POLE: variants seen among roughly 807,000 people sequenced by gnomAD.
POLE encodes the protein DNA polymerase epsilon, catalytic subunit.
Under a neutral mutation model 279.2 loss-of-function variants are expected in POLE, and 188 were observed. That is an observed-to-expected ratio of 0.67 (90% CI 0.60 to 0.76). POLE has a LOEUF of 0.76. Among genes scored for constraint, POLE ranks in the 30% least tolerant of loss-of-function variants. The pLI is 0.00. For missense variants in POLE, 2,703 were observed against 3,016.7 expected (o/e 0.90, Z 2.44); for synonymous variants, 1,214 against 1,172.5 (o/e 1.04, Z -0.72).
rs780132291 is a variant in POLE, at chr12:132,642,620, A to G, written c.4838T>C (p.Val1613Ala). The G allele has an allele frequency of 2.5e-6, 4 of 1,613,528 alleles. No individual in the cohort carries two copies. The highest frequency in any genetic ancestry group is 3.4e-6 in the Non-Finnish European group (4 of 1,180,032). The change falls in exon 37 of 49, where the codon GTG becomes GCG. Residue 1613 changes from valine (V) to alanine (A), a missense_variant. Around this residue, in one of 5 missense-constraint regions of POLE, gnomAD observed 1,551 missense variants for 1,686.1 expected, o/e 0.92. Coordinates refer to ENST00000320574, the MANE Select transcript of POLE (RefSeq NM_006231.4). ...LEEFPLVPIC[V>A]ADKINYGVLD... The stretch of plus-strand genomic sequence containing the variant: ...GACCCCATAGTTGATCTTGTCAGCC[A>G]CACAGATAGGCACCAGTGGGAATTC...
intron 6 of POLE, among the ~76,000 whole-genome samples, chr12:132,679,292 GAA>G (rs1259586170): frequency 6.6e-6 from 1 of 152,118 alleles, no homozygotes; most frequent in African/African-American, 2.4e-5. Flanking sequence ...CCCTCCATTG[GAA>G]AAGAGAGCTA....
Position 132,661,308 on chromosome 12 carries a change from GC to G in POLE, c.2865-145del. On this transcript the variant is annotated intron_variant, in intron 24 of 48. Transcript: ENST00000320574. The surrounding 1 kb of genome is among the most constrained non-coding windows in gnomAD (Gnocchi z 4.1). ...GGCAGCAAACGTCTCTCTCCCTTAG[GC>G]CACTGCTTCTCTAAAAGGAAAATGG... 2 of 961,160 alleles carry G rather than the reference GC, an allele frequency of 2.1e-6. No individual in the cohort carries two copies. Among genetic ancestry groups the G allele is most frequent in the Non-Finnish European group, 3.1e-6 (2 of 645,228 alleles). 59.5% of individuals were successfully genotyped at this position (961,160 alleles called of 1,614,324 possible). A position where few individuals can be genotyped will look rare whatever the true frequency, so the allele number is the denominator to read the frequency against.
At chr12:132,659,162 T>C in intron 26 of POLE, 133 bp downstream of exon 26, 1 of 896,318 alleles carries the variant, frequency 1.1e-6, no homozygotes, top group Non-Finnish European at 1.7e-6. Context: ...AAGGAACCCC[T>C]TACCTCTCCG....
Position 132,649,048 on chromosome 12 carries a change from G to C in POLE, c.4030C>G (p.Leu1344Val), listed in dbSNP as rs2042353835. The C allele has an allele frequency of 6.2e-7, 1 of 1,613,000 alleles. No individual in the cohort carries two copies. Among genetic ancestry groups the C allele is most frequent in the South Asian group, 1.1e-5 (1 of 91,054 alleles). The change falls in exon 32 of 49, where the codon CTG becomes GTG. Residue 1344 changes from leucine (L) to valine (V), a missense_variant. Physicochemically the swap from Leu to Val is conservative, Grantham distance 32. This residue lies in a region of POLE where 1,551 missense variants were observed against 1,686.1 expected (regional missense o/e 0.92). Transcript: ENST00000320574. ...CCAACGAGCGCCCACAGCCTGAACAGGCCGGCCTGGCTGGTCTCGCTGATC... is the reference window on the plus strand; with the variant it reads ...CCAACGAGCGCCCACAGCCTGAACACGCCGGCCTGGCTGGTCTCGCTGATC... ...VQISETSQAG[L>V]FRLWALVGSD...
rs1428808761 is a variant in POLE, at chr12:132,657,871, T to C, written c.3375A>G (p.Arg1125=). The change falls in exon 27 of 49, where the codon CGA becomes CGG. Residue 1125 remains arginine, a synonymous_variant. Transcript: ENST00000320574. ...AGAGAACGCAACTGGCACTCACTGC[T>C]CGAATATCAAAGTCTTGAAGGGAAG... is the stretch of plus-strand genomic sequence containing the variant. ...KSSSLQDFDI[R]AILDWDYYIE... is the part of the protein sequence containing the mutation. The C allele has an allele frequency of 5.0e-6, 8 of 1,607,682 alleles. No homozygotes were observed. Among genetic ancestry groups the C allele is most frequent in the African/African-American group, 1.3e-5 (1 of 74,806 alleles).
rs1488203411 is a variant in POLE, at chr12:132,624,662, G to A, written c.*35C>T. The A allele has an allele frequency of 8.3e-7, 1 of 1,212,008 alleles. No homozygotes were observed. Among genetic ancestry groups the A allele is most frequent in the Non-Finnish European group, 1.2e-6 (1 of 814,294 alleles). 75.1% of individuals were successfully genotyped at this position (1,212,008 alleles called of 1,614,324 possible). A position where few individuals can be genotyped will look rare whatever the true frequency, so the allele number is the denominator to read the frequency against. On this transcript the variant is annotated 3_prime_UTR_variant, in exon 49 of 49. Coordinates refer to ENST00000320574, the MANE Select transcript of POLE (RefSeq NM_006231.4). ...TGTGGCCTTGGCATCAGGAGGCCTGGCACGGACGCAGAGGCACCCGGGGCC... is the reference window on the plus strand; with the variant it reads ...TGTGGCCTTGGCATCAGGAGGCCTGACACGGACGCAGAGGCACCCGGGGCC...
rs551187989 is a variant in POLE, at chr12:132,643,028, C to G, written c.4552-32G>C. ...CAACGCAGGCCACGTCAGCCTCCCC[C>G]TGCGCAGGAGGAAGTGGGGGCAGCC... is the stretch of plus-strand genomic sequence containing the variant. On this transcript the variant is annotated intron_variant, in intron 35 of 48. Transcript: ENST00000320574. 6 of 1,562,152 alleles carry G rather than the reference C, an allele frequency of 3.8e-6. No individual in the cohort carries two copies. In the African/African-American group the frequency reaches 4.1e-5, roughly 11 times the overall value.
At position 132,649,695 on chromosome 12, in the gene POLE, G is replaced by A. The variant is rs770904877; in HGVS notation, c.3777C>T (p.Pro1259=). 25 of 1,613,922 alleles carry A rather than the reference G, an allele frequency of 1.5e-5. No individual in the cohort carries two copies. The highest frequency in any genetic ancestry group is 6.7e-5 in the Admixed American group (4 of 60,010). Residue 1259 remains proline, a synonymous_variant, in exon 30 of 49, where the codon CCC becomes CCT. Transcript: ENST00000320574. ...VPWQEILGQP[P]ALGTSQEEWL... is the part of the protein sequence containing the mutation. ...GCCTTACCTGGCTGGTTCCCAGGGC[G>A]GGAGGCTGCCCCAAGATTTCCTGCC... is the stretch of plus-strand genomic sequence containing the variant.
At position 132,634,480 on chromosome 12, in the gene POLE, C is replaced by T; in HGVS notation, c.5812-102G>A. Reference sequence around the variant, plus strand: ...TCCTCCAACCTGGGTCCATCTGCCCCGTTTGACCAGAGGCCTTCCTCGCAG... The same window carrying T: ...TCCTCCAACCTGGGTCCATCTGCCCTGTTTGACCAGAGGCCTTCCTCGCAG... On this transcript the variant is annotated intron_variant, in intron 42 of 48. Coordinates refer to ENST00000320574, the MANE Select transcript of POLE (RefSeq NM_006231.4). The surrounding 1 kb of genome is among the most constrained non-coding windows in gnomAD (Gnocchi z 4.0). 6 of 1,163,482 alleles carry T rather than the reference C, an allele frequency of 5.2e-6. No individual in the cohort carries two copies. Among genetic ancestry groups the T allele is most frequent in the South Asian group, 1.4e-5 (1 of 69,506 alleles). The allele number at this position is 1,163,482 out of a possible 1,614,324, so 72.1% of individuals were successfully genotyped here.
Position 132,675,385 on chromosome 12 carries a change from C to T in POLE, c.1226+13G>A, listed in dbSNP as rs577646338. On this transcript the variant is annotated intron_variant, in intron 12 of 48. Coordinates refer to ENST00000320574, the MANE Select transcript of POLE (RefSeq NM_006231.4). This position sits in a 1 kb window ranked among gnomAD's most constrained non-coding sequence, Gnocchi z 4.3. ...GACAGCAGTGAGGAGCCATGCTGCT[C>T]TGTGGCCCCTACCTGAGGCAGTCCA... The T allele has an allele frequency of 9.8e-5, 158 of 1,613,516 alleles. No homozygotes were observed. The highest frequency in any genetic ancestry group is 9.3e-4 in the South Asian group (85 of 90,978).
intron 31 of POLE, 109 bp downstream of exon 31, chr12:132,649,197 C>G: frequency 6.7e-7 from 1 of 1,494,168 alleles, no homozygotes; most frequent in Non-Finnish European, 9.1e-7. Flanking sequence ...GGGCAGGAAA[C>G]TCCAGGCCCA....
At position 132,677,574 on chromosome 12, in the gene POLE, T is replaced by G. The variant is rs990057702; in HGVS notation, c.720+4A>C. ...GAGCAGCGACCCAACCCTGCCCCAC[T>G]CACCACGTGGATCTTCAGGTCAATG... On this transcript the variant is annotated splice_donor_region_variant and intron_variant, in intron 7 of 48. Transcript: ENST00000320574. The G allele has an allele frequency of 6.2e-7, 1 of 1,614,140 alleles. No individual in the cohort carries two copies. Among genetic ancestry groups the G allele is most frequent in the Non-Finnish European group, 8.5e-7 (1 of 1,180,012 alleles).
intron 26 of POLE, chr12:132,658,286 G>T (rs1371528673): frequency 3.5e-6 from 1 of 283,820 alleles, no homozygotes; most frequent in Non-Finnish European, 6.8e-6. Flanking sequence ...GAGTAACCAC[G>T]TGCATGCGTA....
chr12:132,624,680 C>T lies in POLE; in HGVS notation c.*17G>A, dbSNP rs2041792727. On this transcript the variant is annotated 3_prime_UTR_variant, in exon 49 of 49. Transcript: ENST00000320574. ...AGGCCTGGCACGGACGCAGAGGCACCCGGGGCCCGGGGCTGGCTAATGGCC... is the reference window on the plus strand; with the variant it reads ...AGGCCTGGCACGGACGCAGAGGCACTCGGGGCCCGGGGCTGGCTAATGGCC... 1.3e-6 allele frequency: 2 copies of T among 1,529,170 alleles called. No individual in the cohort carries two copies. Among genetic ancestry groups the T allele is most frequent in the Admixed American group, 3.3e-5 (2 of 59,918 alleles). The allele number at this position is 1,529,170 out of a possible 1,614,324, so 94.7% of individuals were successfully genotyped here. A position where few individuals can be genotyped will look rare whatever the true frequency, so the allele number is the denominator to read the frequency against.
rs1006294420 is a variant in POLE at position 132,675,596 on chromosome 12, A to C, written c.1107-79T>G. On this transcript the variant is annotated intron_variant, in intron 11 of 48. Transcript: ENST00000320574. The surrounding 1 kb of genome is among the most constrained non-coding windows in gnomAD (Gnocchi z 4.3). Reference sequence around the variant, plus strand: ...CTTTCTCCATTCCTCCCTCAGACCCAGGGAGGAACCCAGACACGGGAGGTG... The same window carrying C: ...CTTTCTCCATTCCTCCCTCAGACCCCGGGAGGAACCCAGACACGGGAGGTG... 8.7e-6 allele frequency: 14 copies of C among 1,600,258 alleles called. No homozygotes were observed. Among genetic ancestry groups the C allele is most frequent in the Non-Finnish European group, 1.1e-5 (13 of 1,171,950 alleles).
rs376933346 is a variant in POLE, at chr12:132,668,968, C to A, written c.1795-29G>T. The A allele has an allele frequency of 2.5e-6, 4 of 1,606,392 alleles. No individual in the cohort carries two copies. Among genetic ancestry groups the A allele is most frequent in the South Asian group, 1.1e-5 (1 of 90,494 alleles). Reference sequence around the variant, plus strand: ...CAGAGAAAGCGAAACTCAGTAGAGGCTGGTGACCAAGCTTGCCTCGTGTGC... The same window carrying A: ...CAGAGAAAGCGAAACTCAGTAGAGGATGGTGACCAAGCTTGCCTCGTGTGC... On this transcript the variant is annotated intron_variant, in intron 16 of 48. Transcript: ENST00000320574. This position sits in a 1 kb window ranked among gnomAD's most constrained non-coding sequence, Gnocchi z 4.0.
intron 1 of POLE, among the ~76,000 whole-genome samples, chr12:132,683,040 A>G (rs1392034559): frequency 6.6e-6 from 1 of 152,100 alleles, no homozygotes; most frequent in Non-Finnish European, 1.5e-5. Flanking sequence ...ATCACCTTCA[A>G]CTCAAGAGCA....
rs143503285 is a variant in POLE, at chr12:132,634,395, A to G, written c.5812-17T>C. 2 of 1,608,602 alleles carry G rather than the reference A, an allele frequency of 1.2e-6. No individual in the cohort carries two copies. Among genetic ancestry groups the G allele is most frequent in the Non-Finnish European group, 1.7e-6 (2 of 1,175,966 alleles). On this transcript the variant is annotated splice_polypyrimidine_tract_variant and intron_variant, in intron 42 of 48. Transcript: ENST00000320574. This position sits in a 1 kb window ranked among gnomAD's most constrained non-coding sequence, Gnocchi z 4.0. ...GGAGTCTTGCTGTAACACATGAGAC[A>G]ACGCGGCTGTGTTTGCACCATCGCG...
chr12:132,680,736 T>C, intron 2 of POLE, 49 bp from the exon 3 acceptor site: 1 of 1,428,016 alleles, frequency 7.0e-7, no homozygotes, highest in South Asian at 1.2e-5. Flanking sequence ...TCTACACAGT[T>C]AGAGAAACTT....
Sources: gnomAD v4.1 joint callset for allele counts (sites outside exome capture counted in the v4.1 genomes callset) on GRCh38, gnomAD v4.1.1 for gene constraint, gnomAD v4.1.1 regional missense constraint, Gnocchi (gnomAD v3.1) non-coding constraint, MANE v1.5 for transcripts, NCBI Gene and HGNC (gene_info 2026-07-23, HGNC 2026-07-21) for gene names.